Variants in EPM2AIP1 observed in about 807,000 individuals in gnomAD.
EPM2AIP1 encodes the protein EPM2A-interacting protein 1.
In EPM2AIP1, 23 loss-of-function variants were observed where a neutral mutation model predicts 44.8. The observed-to-expected ratio is 0.51, with a 90% CI of 0.37 to 0.73. The LOEUF (loss-of-function observed/expected upper bound fraction) is 0.73, where lower values mean the gene tolerates loss of function less well. EPM2AIP1 is among the 30% of genes least tolerant of loss of function. The probability of loss-of-function intolerance (pLI) is 0.00; values close to 1 mark genes in which losing one functional copy is unlikely to be tolerated. For missense variants in EPM2AIP1, 652 were observed against 743.9 expected, an observed-to-expected ratio of 0.88 and a Z score of 1.44; for synonymous variants, 311 against 284.3, an observed-to-expected ratio of 1.09 and a Z score of -0.94.
At position 36,988,647 on chromosome 3, in the gene EPM2AIP1, A is replaced by C. The variant is rs898285844; in HGVS notation, c.*2607T>G. On this transcript the variant is annotated 3_prime_UTR_variant, in exon 1 of 1. Coordinates refer to ENST00000322716, the MANE Select transcript of EPM2AIP1 (RefSeq NM_014805.4). ...AAGAGGTGCCTGCAAAGACTAAGAA[A>C]GCACACCTGGAGATGGTATCTCCTC... 1 of 152,224 alleles carries C rather than the reference A, an allele frequency of 6.6e-6. No individual in the cohort carries two copies. The highest frequency in any genetic ancestry group is 1.5e-5 in the Non-Finnish European group (1 of 68,042). The allele number at this position is 152,224 out of a possible 1,614,324, so 9.4% of individuals were successfully genotyped here.
Position 36,991,119 on chromosome 3 carries a change from T to C in EPM2AIP1, c.*135A>G, listed in dbSNP as rs2080799975. The C allele has an allele frequency of 5.8e-6, 8 of 1,371,790 alleles. No individual in the cohort carries two copies. The highest frequency in any genetic ancestry group is 3.1e-5 in the Admixed American group (1 of 32,148). The allele number at this position is 1,371,790 out of a possible 1,614,324, so 85.0% of individuals were successfully genotyped here. ...GAAAAAAAAGGCAACTGTCAGAATT[T>C]TAATTGTGATCAGTTTGGACGGCTG... On this transcript the variant is annotated 3_prime_UTR_variant, in exon 1 of 1. Coordinates refer to ENST00000322716, the MANE Select transcript of EPM2AIP1 (RefSeq NM_014805.4).
chr3:36,993,131 G>A lies in EPM2AIP1; in HGVS notation c.-54C>T, dbSNP rs1225845813. ...ACGTTAGAAAGGCCGCAAGGGGAGA[G>A]GAGGAGCCTGAGAAGCGCCAAGCAC... On this transcript the variant is annotated 5_prime_UTR_variant, in exon 1 of 1. Coordinates refer to ENST00000322716, the MANE Select transcript of EPM2AIP1 (RefSeq NM_014805.4). The A allele has an allele frequency of 5.8e-6, 9 of 1,542,070 alleles. No individual in the cohort carries two copies. Among genetic ancestry groups the A allele is most frequent in the East Asian group, 4.5e-5 (2 of 44,292 alleles).
rs747003694 is a variant in EPM2AIP1 at position 36,992,577 on chromosome 3, G to A, written c.501C>T (p.Asn167=). 6 of 1,614,058 alleles carry A rather than the reference G, an allele frequency of 3.7e-6. No individual in the cohort carries two copies. Among genetic ancestry groups the A allele is most frequent in the Non-Finnish European group, 5.1e-6 (6 of 1,179,912 alleles). Residue 167 remains asparagine, a synonymous_variant, in exon 1 of 1, where the codon AAC becomes AAT. Coordinates refer to ENST00000322716, the MANE Select transcript of EPM2AIP1 (RefSeq NM_014805.4). This position sits in a 1 kb window ranked among gnomAD's most constrained non-coding sequence, Gnocchi z 5.3. The part of the protein sequence containing the change: ...IDRNLRNQLF[N]RARDFKAYSL... ...AATAGGCTTTAAAGTCCCTGGCTCG[G>A]TTAAAAAGCTGGTTGCGTAGATTCC...
At position 36,988,256 on chromosome 3, in the gene EPM2AIP1, G is replaced by A. The variant is rs1456753678; in HGVS notation, c.*2998C>T. The A allele has an allele frequency of 2.0e-5, 3 of 152,216 alleles. No homozygotes were observed. The highest frequency in any genetic ancestry group is 4.4e-5 in the Non-Finnish European group (3 of 68,032). The allele number at this position is 152,216 out of a possible 1,614,324, so 9.4% of individuals were successfully genotyped here. On this transcript the variant is annotated 3_prime_UTR_variant, in exon 1 of 1. Transcript: ENST00000322716. ...TAAAAAACAGGGAGACTAATAAGGA[G>A]GCTGTTGCTATAATTTAGGTAGGTT...
Position 36,991,478 on chromosome 3 carries a change from C to T in EPM2AIP1, c.1600G>A (p.Ala534Thr), listed in dbSNP as rs2125688563. Reference protein sequence around the residue: ...DLGQFYAGLSAESYPIIKGVA... With the variant: ...DLGQFYAGLSTESYPIIKGVA... The stretch of plus-strand genomic sequence containing the variant: ...CCTTTGATAATTGGGTAGGATTCAG[C>T]AGACAATCCAGCATAAAACTGCCCC... The change falls in exon 1 of 1, where the codon GCT (alanine) becomes ACT (threonine). Residue 534 changes from alanine (A) to threonine (T), a missense_variant. By Grantham distance (58) the Ala-to-Thr change is moderately conservative (BLOSUM62 0). Transcript: ENST00000322716. The T allele has an allele frequency of 6.2e-7, 1 of 1,613,942 alleles. No homozygotes were observed.
Position 36,987,442 on chromosome 3 carries a change from A to C in EPM2AIP1, c.*3812T>G, listed in dbSNP as rs200607906. On this transcript the variant is annotated 3_prime_UTR_variant, in exon 1 of 1. Transcript: ENST00000322716. ...CCTTTGGAAATTTAAAAAAAAAAAA[A>C]AAATATATATATATATATGACACTG... 2 of 127,770 alleles carry C rather than the reference A, an allele frequency of 1.6e-5. No individual in the cohort carries two copies. Among genetic ancestry groups the C allele is most frequent in the African/African-American group, 2.8e-5 (1 of 36,248 alleles). The allele number at this position is 127,770 out of a possible 1,614,324, so 7.9% of individuals were successfully genotyped here. A position where few individuals can be genotyped will look rare whatever the true frequency, so the allele number is the denominator to read the frequency against.
Position 36,990,996 on chromosome 3 carries a change from A to G in EPM2AIP1, c.*258T>C. ...CTCACATTAATACTAAATCTCTTTA[A>G]AATTAACTATATCATAAAAGACAAT... On this transcript the variant is annotated 3_prime_UTR_variant, in exon 1 of 1. Coordinates refer to ENST00000322716, the MANE Select transcript of EPM2AIP1 (RefSeq NM_014805.4). 3 of 1,147,592 alleles carry G rather than the reference A, an allele frequency of 2.6e-6. No individual in the cohort carries two copies. The African/African-American group carries it at 4.8e-5, about 18-fold the overall frequency. The allele number at this position is 1,147,592 out of a possible 1,614,324, so 71.1% of individuals were successfully genotyped here. A position where few individuals can be genotyped will look rare whatever the true frequency, so the allele number is the denominator to read the frequency against.
chr3:36,991,537 G>T lies in EPM2AIP1; in HGVS notation c.1541C>A (p.Thr514Asn), dbSNP rs1490760372. The T allele has an allele frequency of 6.2e-7, 1 of 1,613,710 alleles. No individual in the cohort carries two copies. The highest frequency in any genetic ancestry group is 1.3e-5 in the African/African-American group (1 of 75,028). The change falls in exon 1 of 1, where the codon ACT becomes AAT. Residue 514 changes from threonine (T) to asparagine (N), a missense_variant. Thr to Asn is a moderately conservative substitution (Grantham distance 65). Transcript: ENST00000322716. ...GATTCTGTATTCATTCCAAAGATTA[G>T]TGTTTGCCTGAAGTTTTGTTAGCTC... Reference protein sequence around the residue: ...RVELTKLQANTNLWNEYRIKD... With the variant: ...RVELTKLQANNNLWNEYRIKD...
At position 36,991,711 on chromosome 3, in the gene EPM2AIP1, T is replaced by G; in HGVS notation, c.1367A>C (p.Asp456Ala). 1 of 1,613,612 alleles carries G rather than the reference T, an allele frequency of 6.2e-7. No homozygotes were observed. ...GATCACCATTTGATACCTATCAGGA[T>G]CAAATATTTTTTCATCTTCCTTATT... ...QQNKEDEKIF[D>A]PDRYQMVICR... The change falls in exon 1 of 1, where the codon GAT becomes GCT. Residue 456 changes from aspartate to alanine, a missense_variant. By Grantham distance (126) the Asp-to-Ala change is moderately radical. Transcript: ENST00000322716.
chr3:36,987,417 C>A lies in EPM2AIP1; in HGVS notation c.*3837G>T, dbSNP rs2080775250. The A allele has an allele frequency of 8.4e-6, 1 of 119,558 alleles. No homozygotes were observed. The highest frequency in any genetic ancestry group is 3.1e-5 in the African/African-American group (1 of 32,766). The allele number at this position is 119,558 out of a possible 1,614,324, so 7.4% of individuals were successfully genotyped here. ...AATCTTTTCCCTCTATATGTAGGTTCCTTTGGAAATTTAAAAAAAAAAAAA... is the reference window on the plus strand; with the variant it reads ...AATCTTTTCCCTCTATATGTAGGTTACTTTGGAAATTTAAAAAAAAAAAAA... On this transcript the variant is annotated 3_prime_UTR_variant, in exon 1 of 1. Transcript: ENST00000322716.
rs900144078 is a variant in EPM2AIP1, at chr3:36,985,421, G to C, written c.*5833C>G. On this transcript the variant is annotated 3_prime_UTR_variant, in exon 1 of 1. Coordinates refer to ENST00000322716, the MANE Select transcript of EPM2AIP1 (RefSeq NM_014805.4). ...CCCACTGAGGTGTACACTTAATATC[G>C]GTACACTTTTAAATTTTACCTCAGT... 1 of 152,070 alleles carries C rather than the reference G, an allele frequency of 6.6e-6. No individual in the cohort carries two copies. 9.4% of individuals were successfully genotyped at this position (152,070 alleles called of 1,614,324 possible).
Position 36,990,297 on chromosome 3 carries a change from G to T in EPM2AIP1, c.*957C>A. On this transcript the variant is annotated 3_prime_UTR_variant, in exon 1 of 1. Transcript: ENST00000322716. ...ATACTGTATCATTTTAAAACAAAGT[G>T]TTTACTTTAGGCAGGATTTTTTAAA... The T allele has an allele frequency of 2.5e-6, 1 of 400,946 alleles. No individual in the cohort carries two copies. The highest frequency in any genetic ancestry group is 3.4e-6 in the Non-Finnish European group (1 of 295,732). 24.8% of individuals were successfully genotyped at this position (400,946 alleles called of 1,614,324 possible).
At position 36,990,707 on chromosome 3, in the gene EPM2AIP1, A is replaced by G. The variant is rs2080797310; in HGVS notation, c.*547T>C. ...GGGAAGAGGGAAGAAATCTGTCAGTATTACCTTCGAACTCAGAAATGTTTA... is the reference window on the plus strand; with the variant it reads ...GGGAAGAGGGAAGAAATCTGTCAGTGTTACCTTCGAACTCAGAAATGTTTA... On this transcript the variant is annotated 3_prime_UTR_variant, in exon 1 of 1. Transcript: ENST00000322716. 2 of 985,674 alleles carry G rather than the reference A, an allele frequency of 2.0e-6. No individual in the cohort carries two copies. Among genetic ancestry groups the G allele is most frequent in the South Asian group, 9.4e-5 (2 of 21,290 alleles). 61.1% of individuals were successfully genotyped at this position (985,674 alleles called of 1,614,324 possible). A position where few individuals can be genotyped will look rare whatever the true frequency, so the allele number is the denominator to read the frequency against.
Position 36,990,645 on chromosome 3 carries a change from A to G in EPM2AIP1, c.*609T>C, listed in dbSNP as rs371193748. ...AAAAATGATTCTAATGACTTCCTCT[A>G]TCAGTAATGTGTTATCACTGAGGTG... On this transcript the variant is annotated 3_prime_UTR_variant, in exon 1 of 1. Coordinates refer to ENST00000322716, the MANE Select transcript of EPM2AIP1 (RefSeq NM_014805.4). The G allele has an allele frequency of 1.0e-5, 10 of 985,612 alleles. No homozygotes were observed. Among genetic ancestry groups the G allele is most frequent in the Non-Finnish European group, 1.1e-5 (9 of 829,736 alleles). 61.1% of individuals were successfully genotyped at this position (985,612 alleles called of 1,614,324 possible).
chr3:36,985,790 C>T lies in EPM2AIP1; in HGVS notation c.*5464G>A, dbSNP rs1034215507. On this transcript the variant is annotated 3_prime_UTR_variant, in exon 1 of 1. Transcript: ENST00000322716. The stretch of plus-strand genomic sequence containing the variant: ...AGTATTTTAGGTTTTGTGAGATGTA[C>T]ACACTCTGTAGCAACTACTCAGCTG... The T allele has an allele frequency of 1.3e-5, 2 of 152,194 alleles. No homozygotes were observed. The highest frequency in any genetic ancestry group is 4.8e-5 in the African/African-American group (2 of 41,440). 9.4% of individuals were successfully genotyped at this position (152,194 alleles called of 1,614,324 possible).
At position 36,992,083 on chromosome 3, in the gene EPM2AIP1, C is replaced by A; in HGVS notation, c.995G>T (p.Arg332Met). 2 of 1,614,048 alleles carry A rather than the reference C, an allele frequency of 1.2e-6. No homozygotes were observed. Among genetic ancestry groups the A allele is most frequent in the Non-Finnish European group, 1.7e-6 (2 of 1,179,896 alleles). Residue 332 changes from arginine to methionine, a missense_variant, in exon 1 of 1, where the codon AGG (arginine) becomes ATG (methionine). Coordinates refer to ENST00000322716, the MANE Select transcript of EPM2AIP1 (RefSeq NM_014805.4). This position sits in a 1 kb window ranked among gnomAD's most constrained non-coding sequence, Gnocchi z 5.3. ...ATTGTTCAGACATCGTCCATTAACC[C>A]TTTCACCATGCTCTGATTCAGATTC... The part of the protein sequence containing the change: ...LTESESEHGE[R>M]VNGRCLNNWL...
At position 36,987,224 on chromosome 3, in the gene EPM2AIP1, A is replaced by C. The variant is rs932766477; in HGVS notation, c.*4030T>G. On this transcript the variant is annotated 3_prime_UTR_variant, in exon 1 of 1. Transcript: ENST00000322716. ...ACTTTTAAATCCCAGAAGAGCCAAAAATCATCTGTAAAGGAAAGTAGCAAG... is the reference window on the plus strand; with the variant it reads ...ACTTTTAAATCCCAGAAGAGCCAAACATCATCTGTAAAGGAAAGTAGCAAG... 1 of 152,600 alleles carries C rather than the reference A, an allele frequency of 6.6e-6. No homozygotes were observed. Among genetic ancestry groups the C allele is most frequent in the Non-Finnish European group, 1.5e-5 (1 of 68,030 alleles). The allele number at this position is 152,600 out of a possible 1,614,324, so 9.5% of individuals were successfully genotyped here. A position where few individuals can be genotyped will look rare whatever the true frequency, so the allele number is the denominator to read the frequency against.
chr3:36,992,958 C>T lies in EPM2AIP1; in HGVS notation c.120G>A (p.Leu40=), dbSNP rs368106679. The stretch of plus-strand genomic sequence containing the variant: ...TAGCTACGATGAGGCGGCGACAGAC[C>T]AGGCACAGGGCCCCATCGCCCTCCG... ...EPPEGDGALC[L]VCRRLIVATR... The change falls in exon 1 of 1, where the codon CTG becomes CTA. Residue 40 remains leucine, a synonymous_variant. Coordinates refer to ENST00000322716, the MANE Select transcript of EPM2AIP1 (RefSeq NM_014805.4). This position sits in a 1 kb window ranked among gnomAD's most constrained non-coding sequence, Gnocchi z 5.3. 3.1e-6 allele frequency: 5 copies of T among 1,612,912 alleles called. No homozygotes were observed. The African/African-American group carries it at 5.3e-5, about 17-fold the overall frequency.
rs2080803856 is a variant in EPM2AIP1, at chr3:36,991,431, G to A, written c.1647C>T (p.Ser549=). Reference sequence around the variant, plus strand: ...CACAGATTTGGTTACTATCAAACAAGGATGCCACCTTACAGGCAACCCCTT... The same window carrying A: ...CACAGATTTGGTTACTATCAAACAAAGATGCCACCTTACAGGCAACCCCTT... ...IIKGVACKVA[S]LFDSNQICEK... Residue 549 remains serine, a synonymous_variant, in exon 1 of 1, where the codon TCC becomes TCT. Transcript: ENST00000322716. 1.9e-6 allele frequency: 3 copies of A among 1,613,968 alleles called. No homozygotes were observed. Among genetic ancestry groups the A allele is most frequent in the Non-Finnish European group, 2.5e-6 (3 of 1,179,870 alleles).
Sources: allele counts gnomAD v4.1 joint callset, GRCh38; gene constraint gnomAD v4.1.1; non-coding constraint Gnocchi (gnomAD v3.1); transcripts MANE v1.5; gene names NCBI Gene and HGNC (gene_info 2026-07-23, HGNC 2026-07-21).